The following NUP42 variants were observed in gnomAD, a reference collection of about 807,000 sequenced individuals.
NUP42 encodes nucleoporin 42.
Under a neutral mutation model 35.9 loss-of-function variants are expected in NUP42, and 47 were observed. That is an observed-to-expected ratio of 1.31 (90% CI 1.04 to 1.67). The LOEUF is 1.67. NUP42 is among the 40% of genes most tolerant of loss of function. The pLI is 0.00. For synonymous variants in NUP42, 173 were observed against 173.3 expected, an observed-to-expected ratio of 1.00 and a Z score of 0.01; for missense variants, 514 against 492.2, an observed-to-expected ratio of 1.04 and a Z score of -0.42.
intron 3 of NUP42, chr7:23,187,944 C>A: frequency 3.7e-5 from 11 of 295,018 alleles, no homozygotes; most frequent in East Asian, 8.1e-5. Flanking sequence ...CTGTCTCTCT[C>A]TCTCTCTCTG....
chr7:23,185,160 G>C lies in NUP42; in HGVS notation c.212G>C (p.Gly71Ala). Reference protein sequence around the residue: ...SSFSKSTPWGGSRDQEKPYFS... With the variant: ...SSFSKSTPWGASRDQEKPYFS... ...TTCTCCAAATCCACACCATGGGGGG[G>C]CAGCAGAGATCAAGAAAAGCCATAT... The change falls in exon 2 of 7, where the codon GGC becomes GCC. Residue 71 changes from glycine to alanine, a missense_variant. Transcript: ENST00000258742. 2.5e-6 allele frequency: 4 copies of C among 1,614,144 alleles called. No homozygotes were observed. Among genetic ancestry groups the C allele is most frequent in the Non-Finnish European group, 8.5e-7 (1 of 1,179,996 alleles).
intron 1 of NUP42, among the ~76,000 whole-genome samples, chr7:23,184,426 A>G (rs1418103077): frequency 6.6e-6 from 1 of 152,216 alleles, no homozygotes; most frequent in Admixed American, 6.5e-5. Context: ...TTTATGATTT[A>G]TGATGCATGC....
intron 6 of NUP42, among the ~76,000 whole-genome samples, chr7:23,199,853 T>C (rs1037535829): frequency 3.9e-5 from 6 of 152,216 alleles, no homozygotes; most frequent in Admixed American, 3.3e-4. Flanking sequence ...AGCATAGCAT[T>C]GTCCTCAGGT....
rs1349778676 is a variant in NUP42, at chr7:23,200,262, T to C, written c.789T>C (p.Ala263=). 4 of 1,603,650 alleles carry C rather than the reference T, an allele frequency of 2.5e-6. No homozygotes were observed. The highest frequency in any genetic ancestry group is 3.4e-6 in the Non-Finnish European group (4 of 1,173,592). Residue 263 remains alanine (A), a synonymous_variant, in exon 7 of 7, where the codon GCT becomes GCC. Coordinates refer to ENST00000258742, the MANE Select transcript of NUP42 (RefSeq NM_007342.3). ...CTGCTGCCTCTTCTGGAAGCCCTGC[T>C]GGTTTTGGGAGTTCCCCAGCATTTG... The part of the protein sequence containing the change: ...GFAAASSGSP[A]GFGSSPAFGA...
chr7:23,193,067 C>A (rs941757328), intron 3 of NUP42, among the ~76,000 whole-genome samples: 2 of 151,876 alleles, frequency 1.3e-5, no homozygotes, highest in African/African-American at 4.8e-5. Flanking sequence ...TGTTACGGCT[C>A]TTAAGGCGGC....
rs1785999087 is a variant in NUP42 at position 23,195,969 on chromosome 7, GCTTT to G, written c.522+59_522+62del. ...AATAACAGATGAGCTCTTAATTACTGCTTTCTTTATCGTGGCTTGTGTTTTGGCA... is the reference window on the plus strand; with the variant it reads ...AATAACAGATGAGCTCTTAATTACTGCTTTATCGTGGCTTGTGTTTTGGCA... On this transcript the variant is annotated intron_variant, in intron 4 of 6. Transcript: ENST00000258742. 3.6e-6 allele frequency: 4 copies of G among 1,123,040 alleles called. No individual in the cohort carries two copies. The South Asian group carries it at 5.6e-5, about 16-fold the overall frequency. 69.6% of individuals were successfully genotyped at this position (1,123,040 alleles called of 1,614,324 possible). A position where few individuals can be genotyped will look rare whatever the true frequency, so the allele number is the denominator to read the frequency against.
intron 1 of NUP42, among the ~76,000 whole-genome samples, chr7:23,183,754 TAAAA>T (rs571597955): frequency 1.1e-4 from 9 of 82,062 alleles, no homozygotes; most frequent in Admixed American, 4.0e-4. Context: ...AAAAGCAATG[TAAAA>T]AAAAAAAAAA....
At chr7:23,185,339 A>G (rs745348117) in intron 2 of NUP42, 41 bp downstream of exon 2, 14 of 1,325,340 alleles carry the variant, frequency 1.1e-5, no homozygotes, top group Non-Finnish European at 1.4e-5. Context: ...CCATTTGCTT[A>G]TGTTTTTTCA....
In NUP42 at chr7:23,195,915, T is replaced by G. The variant is rs1785996494; in HGVS notation, c.522T>G (p.Tyr174Ter). ...TAACCAGCAATAACTTACAGAGTTA[T>G]GTAAGTTTGTTTCCTATTAATCTAC... ...NFLTSNNLQS[Y>*]LNSVQRLINQ... is the part of the protein sequence containing the mutation. Residue 174 changes from tyrosine to a stop codon, truncating the protein, a stop_gained and splice_region_variant, in exon 4 of 7, where the codon TAT becomes TAG. Transcript: ENST00000258742. LOFTEE classifies it high-confidence loss of function. 5 of 1,573,518 alleles carry G rather than the reference T, an allele frequency of 3.2e-6. No homozygotes were observed. The East Asian group carries it at 1.1e-4, about 36-fold the overall frequency.
chr7:23,188,177 A>G (rs2128473116), intron 3 of NUP42: 2 of 1,159,690 alleles, frequency 1.7e-6, no homozygotes. Context: ...GAACCTTGGG[A>G]TCTTTCCTCT....
chr7:23,197,864 G>T (rs1786070738), intron 5 of NUP42, among the ~76,000 whole-genome samples: 1 of 152,104 alleles, frequency 6.6e-6, no homozygotes, highest in Non-Finnish European at 1.5e-5. Context: ...TGTAGACCAT[G>T]TGATTCCATT....
intron 3 of NUP42, among the ~76,000 whole-genome samples, chr7:23,192,931 G>A (rs915896537): frequency 2.1e-4 from 32 of 152,232 alleles, no homozygotes; most frequent in African/African-American, 7.2e-4. Context: ...GAGTGTTACA[G>A]TTCTTAAAGA....
intron 1 of NUP42, 185 bp downstream of exon 1, chr7:23,182,391 TC>T: frequency 7.1e-7 from 1 of 1,402,774 alleles, no homozygotes; most frequent in Non-Finnish European, 9.3e-7. Flanking sequence ...ATTCATGTGG[TC>T]CGTTTTTATT....
intron 2 of NUP42, 123 bp from the exon 3 acceptor site, chr7:23,186,929 G>A: frequency 1.6e-6 from 1 of 641,942 alleles, no homozygotes; most frequent in Non-Finnish European, 2.6e-6. Context: ...ACACTCTTCA[G>A]AAAATATAAT....
intron 1 of NUP42, among the ~76,000 whole-genome samples, chr7:23,182,759 A>T (rs1355596174): frequency 6.7e-6 from 1 of 149,224 alleles, no homozygotes; most frequent in Non-Finnish European, 1.5e-5. Flanking sequence ...AAAAAAAAAA[A>T]AAAAAATAGC....
intron 2 of NUP42, among the ~76,000 whole-genome samples, 180 bp downstream of exon 2, chr7:23,185,478 A>G (rs1343797153): frequency 1.3e-5 from 2 of 152,214 alleles, no homozygotes; most frequent in Non-Finnish European, 1.5e-5. Flanking sequence ...CCACAATTCT[A>G]TCACTCATAG....
intron 3 of NUP42, among the ~76,000 whole-genome samples, chr7:23,188,875 A>C (rs1450547446): frequency 1.3e-5 from 2 of 152,254 alleles, no homozygotes; most frequent in Non-Finnish European, 2.9e-5. Context: ...GTATCTTAGC[A>C]AGAATCAAGG....
At chr7:23,195,728 T>G (rs1245243370) in intron 3 of NUP42, 111 bp from the exon 4 acceptor site, 2 of 660,126 alleles carry the variant, frequency 3.0e-6, no homozygotes, top group African/African-American at 3.8e-5. Flanking sequence ...TTCCTCATGG[T>G]TATGAAAATT....
At chr7:23,189,498 TTAGC>T (rs1293551143) in intron 3 of NUP42, among the ~76,000 whole-genome samples, 2 of 152,178 alleles carry the variant, frequency 1.3e-5, no homozygotes, top group Non-Finnish European at 2.9e-5. Context: ...GCCAAGACTC[TTAGC>T]TACTCTGGAG....
Sources: allele counts gnomAD v4.1 joint callset (sites outside exome capture counted in the v4.1 genomes callset), GRCh38; gene constraint gnomAD v4.1.1; transcripts MANE v1.5; gene names NCBI Gene and HGNC (gene_info 2026-07-23, HGNC 2026-07-21).